Variants in DLG2 observed in about 807,000 individuals in gnomAD.
The protein encoded by DLG2 is discs large MAGUK scaffold protein 2.
A neutral mutation model predicts 132.5 loss-of-function variants in DLG2; 45 were observed. The ratio of observed to expected loss-of-function variants is 0.34; its 90% CI spans 0.27 to 0.44. DLG2 has a LOEUF of 0.44. Ranked by LOEUF, DLG2 falls within the 20% of genes least tolerant of loss-of-function variation. The pLI is 1.00. For synonymous variants in DLG2, 424 were observed against 419.6 expected (o/e 1.01, Z -0.13); for missense variants, 1,045 against 1,196.9 (o/e 0.87, Z 1.87).
intron 6 of DLG2, among the ~76,000 whole-genome samples, chr11:84,947,833 A>C (rs2050413152): frequency 1.3e-5 from 2 of 152,142 alleles, no homozygotes; most frequent in African/African-American, 4.8e-5. Flanking sequence ...TTACTCTCAT[A>C]AGTGTCCTTG....
At chr11:83,852,096 G>A (rs557913763) in intron 16 of DLG2, among the ~76,000 whole-genome samples, 72 of 152,290 alleles carry the variant, frequency 4.7e-4, no homozygotes, top group African/African-American at 1.5e-3. Flanking sequence ...AGGTTTCAGA[G>A]GGACCAGGGC....
chr11:85,489,218 A>C (rs2093501896), intron 3 of DLG2, among the ~76,000 whole-genome samples: 2 of 152,198 alleles, frequency 1.3e-5, no homozygotes, highest in Admixed American at 1.3e-4. Context: ...AAAAGTAAAG[A>C]GGTAGAAAAG....
chr11:83,898,332 C>T (rs1183468662), intron 15 of DLG2, among the ~76,000 whole-genome samples: 3 of 151,854 alleles, frequency 2.0e-5, no homozygotes, highest in Non-Finnish European at 4.4e-5. Context: ...TTTCCATTAC[C>T]TCAAGAAAAC....
intron 3 of DLG2, among the ~76,000 whole-genome samples, chr11:85,534,407 GA>G (rs1349417870): frequency 5.9e-5 from 9 of 151,946 alleles, no homozygotes; most frequent in Admixed American, 5.9e-4. Flanking sequence ...TATATTGTGT[GA>G]TGCTGAAGTT....
Position 84,102,819 on chromosome 11 carries a change from T to C in DLG2, c.625-3772A>G, listed in dbSNP as rs141326614. On this transcript the variant is annotated intron_variant, in intron 9 of 27. Coordinates refer to ENST00000376104, the MANE Select transcript of DLG2 (RefSeq NM_001142699.3). ...TCTTGGAACTTAGTCTGTGAATCAA[T>C]ATGTCTTTGAAATAATAGCTTTGAT... is the stretch of plus-strand genomic sequence containing the variant. Among the ~76,000 whole-genome samples, 6 of 152,276 alleles carry C rather than the reference T, an allele frequency of 3.9e-5. No individual in the cohort carries two copies. The East Asian group carries it at 1.2e-3, about 29-fold the overall frequency.
At chr11:84,976,505 T>C (rs537537160) in intron 6 of DLG2, among the ~76,000 whole-genome samples, 1 of 152,260 alleles carries the variant, frequency 6.6e-6, no homozygotes, top group African/African-American at 2.4e-5. Context: ...AGATACATAA[T>C]GCAAGAAATA....
intron 6 of DLG2, among the ~76,000 whole-genome samples, chr11:84,605,591 CAA>C (rs11323561): frequency 7.5e-4 from 88 of 118,026 alleles, no homozygotes; most frequent in African/African-American, 1.6e-3. Flanking sequence ...TAATCCTCTG[CAA>C]AAAAAAAAAA....
chr11:85,022,288 G>T (rs1369585731), intron 6 of DLG2, among the ~76,000 whole-genome samples: 3 of 146,708 alleles, frequency 2.0e-5, no homozygotes, highest in Non-Finnish European at 4.5e-5. Flanking sequence ...ATTACTTAGA[G>T]CACAAAAAAC....
Position 85,359,586 on chromosome 11 carries a change from A to C in DLG2, c.41-74221T>G, listed in dbSNP as rs191797136. ...TAAGACATGGCTCTTGCCCTTAAGC[A>C]CCTCTTAATCAACTAGAGGTGATAT... On this transcript the variant is annotated intron_variant, in intron 3 of 27. Transcript: ENST00000376104. Among the ~76,000 whole-genome samples, 42 of 152,300 alleles carry C rather than the reference A, an allele frequency of 2.8e-4. No individual in the cohort carries two copies. In the East Asian group the frequency reaches 4.4e-3, roughly 16 times the overall value.
chr11:84,367,233 A>T (rs1600750815), intron 7 of DLG2, among the ~76,000 whole-genome samples: 2 of 152,252 alleles, frequency 1.3e-5, no homozygotes, highest in East Asian at 3.9e-4. Flanking sequence ...GGACCAGCAA[A>T]GTTTTTCAAC....
chr11:84,871,008 T>G (rs2085386110), intron 6 of DLG2, among the ~76,000 whole-genome samples: 1 of 152,244 alleles, frequency 6.6e-6, no homozygotes, highest in South Asian at 2.1e-4. Flanking sequence ...TGGCATTGTA[T>G]GTATCATGAT....
rs776477274 is a variant in DLG2, at chr11:84,166,933, CACTT to C, written c.574-3426_574-3423del. ...ATACATTTTTTTTCTTGTACAGTAACACTTACGGTAATATTTAAGTACCTTGGTC... is the reference window on the plus strand; with the variant it reads ...ATACATTTTTTTTCTTGTACAGTAACACGGTAATATTTAAGTACCTTGGTC... On this transcript the variant is annotated intron_variant, in intron 8 of 27. Transcript: ENST00000376104. 2.1e-5 allele frequency: 11 copies of C among 533,202 alleles called. No homozygotes were observed. The East Asian group carries it at 4.4e-4, about 21-fold the overall frequency. 33.0% of individuals were successfully genotyped at this position (533,202 alleles called of 1,614,324 possible).
Position 85,540,305 on chromosome 11 carries a change from C to T in DLG2, c.40+58352G>A, listed in dbSNP as rs184816000. Among the ~76,000 whole-genome samples the T allele has an allele frequency of 2.1e-3, 327 of 152,342 alleles. 1 individual carries two copies. Among genetic ancestry groups the T allele is most frequent in the African/African-American group, 7.6e-3 (314 of 41,580 alleles). On this transcript the variant is annotated intron_variant, in intron 3 of 27. Coordinates refer to ENST00000376104, the MANE Select transcript of DLG2 (RefSeq NM_001142699.3). ...GCCCATAAAAACCCCAAGACCCTAGCAGGCACAGACACACGAGCAGCTGGA... is the reference window on the plus strand; with the variant it reads ...GCCCATAAAAACCCCAAGACCCTAGTAGGCACAGACACACGAGCAGCTGGA...
intron 8 of DLG2, among the ~76,000 whole-genome samples, chr11:84,176,870 CTCTCTTT>C (rs1485826021): frequency 3.5e-5 from 3 of 85,168 alleles, no homozygotes; most frequent in South Asian, 4.7e-4. Flanking sequence ...TGCTTGCTCT[CTCTCTTT>C]TCTTTTCTTT....
intron 7 of DLG2, among the ~76,000 whole-genome samples, chr11:84,288,418 T>TAAG: frequency 5.9e-5 from 9 of 152,210 alleles, no homozygotes; most frequent in African/African-American, 2.2e-4. Context: ...TTCTATTTGA[T>TAAG]ACTTTAGGCA....
chr11:83,542,488 T>C (rs960952344), intron 19 of DLG2, among the ~76,000 whole-genome samples: 3 of 152,198 alleles, frequency 2.0e-5, no homozygotes, highest in Non-Finnish European at 4.4e-5. Flanking sequence ...TGTGTGTGTA[T>C]GGATAGACAA....
chr11:85,230,570 A>G (rs2075246018), intron 4 of DLG2, among the ~76,000 whole-genome samples: 2 of 151,860 alleles, frequency 1.3e-5, no homozygotes, highest in Non-Finnish European at 2.9e-5. Context: ...GCATTGTTTT[A>G]CATAAGTCAG....
intron 14 of DLG2, among the ~76,000 whole-genome samples, chr11:83,935,956 T>G (rs2081340876): frequency 6.6e-6 from 1 of 152,176 alleles, no homozygotes; most frequent in South Asian, 2.1e-4. Context: ...ATAGGAACAA[T>G]GTGCATAAAG....
intron 6 of DLG2, among the ~76,000 whole-genome samples, chr11:84,674,855 A>G (rs189534891): frequency 1.5e-4 from 23 of 152,154 alleles, no homozygotes; most frequent in African/African-American, 5.3e-4. Flanking sequence ...CTCATCTTTA[A>G]TCTCTAAAAT....
Sources: allele counts gnomAD v4.1 joint callset (sites outside exome capture counted in the v4.1 genomes callset), GRCh38; gene constraint gnomAD v4.1.1; transcripts MANE v1.5; gene names NCBI Gene and HGNC (gene_info 2026-07-23, HGNC 2026-07-21).